Variants in RMDN1 observed in about 807,000 individuals in gnomAD.
The protein encoded by RMDN1 is regulator of microtubule dynamics 1.
Under a neutral mutation model 48.9 loss-of-function variants are expected in RMDN1, and 48 were observed. The observed-to-expected ratio is 0.98, with a 90% confidence interval of 0.78 to 1.25. The LOEUF (loss-of-function observed/expected upper bound fraction) is 1.25. Among genes scored for constraint, RMDN1 ranks in the 50% most tolerant of loss-of-function variants. The pLI is 0.00. For missense variants in RMDN1, 418 were observed against 373.4 expected, an observed-to-expected ratio of 1.12 and a Z score of -0.98; for synonymous variants, 148 against 132.6, an observed-to-expected ratio of 1.12 and a Z score of -0.80.
chr8:86,509,974 T>G (rs993731150), upstream of RMDN1, among the ~76,000 whole-genome samples: 1 of 152,216 alleles, frequency 6.6e-6, no homozygotes, highest in African/African-American at 2.4e-5. Context: ...CTGGATACCA[T>G]GATAACAGTG....
At chr8:86,491,337 T>C (rs1586693746) in intron 2 of RMDN1, among the ~76,000 whole-genome samples, 1 of 152,194 alleles carries the variant, frequency 6.6e-6, no homozygotes, top group East Asian at 1.9e-4. Context: ...GGTTTCACCA[T>C]GTTGGCCAGG....
chr8:86,508,735 C>A (rs1199247746), upstream of RMDN1: 2 of 1,401,634 alleles, frequency 1.4e-6, no homozygotes, highest in African/African-American at 1.5e-5. Flanking sequence ...TCCTGCACAG[C>A]ACCTCTTCCG....
In RMDN1 at chr8:86,508,588, C is replaced by A; in HGVS notation, c.33G>T (p.Leu11=). The part of the protein sequence containing the change: MALAARLWRL[L]PFRRGAAPGS... ...CCGGGGCGGCTCCACGTCGGAAAGG[C>A]AGAAGGCGCCACAGTCGAGCAGCCA... The change falls in exon 1 of 10, where the codon CTG becomes CTT. Residue 11 remains leucine, a synonymous_variant. Transcript: ENST00000406452. The A allele has an allele frequency of 6.2e-7, 1 of 1,605,062 alleles. No individual in the cohort carries two copies. The highest frequency in any genetic ancestry group is 8.5e-7 in the Non-Finnish European group (1 of 1,177,144).
intron 2 of RMDN1, chr8:86,504,502 G>T: frequency 6.6e-7 from 1 of 1,520,706 alleles, no homozygotes; most frequent in South Asian, 1.1e-5. Context: ...GCCCATCTAT[G>T]CCACCATTGG....
intron 2 of RMDN1, chr8:86,504,938 T>A (rs554101801): frequency 7.9e-7 from 1 of 1,262,154 alleles, no homozygotes; most frequent in African/African-American, 1.5e-5. Context: ...CTGAGACCCA[T>A]GGCAGGGCTT....
chr8:86,491,737 T>C (rs1563627489), intron 2 of RMDN1, among the ~76,000 whole-genome samples: 1 of 152,182 alleles, frequency 6.6e-6, no homozygotes, highest in Non-Finnish European at 1.5e-5. Context: ...ATGTGCAAGA[T>C]CATAATAATT....
downstream of RMDN1, chr8:86,470,339 G>C (rs1563567527): frequency 1.6e-6 from 2 of 1,289,308 alleles, no homozygotes; most frequent in Non-Finnish European, 2.0e-6. Flanking sequence ...CCTGGGGTTT[G>C]TTCTCAGTAA....
intron 2 of RMDN1, among the ~76,000 whole-genome samples, chr8:86,506,324 TC>T (rs564787140): frequency 1.1e-3 from 168 of 152,336 alleles, no homozygotes; most frequent in African/African-American, 3.8e-3. Context: ...TAACCTCAGC[TC>T]TGGGATTTTT....
At position 86,482,955 on chromosome 8, in the gene RMDN1, G is replaced by A. The variant is rs561384007; in HGVS notation, c.585+1917C>T. 110 of 762,522 alleles carry A rather than the reference G, an allele frequency of 1.4e-4. No individual in the cohort carries two copies. The African/African-American group carries it at 1.5e-3, about 10-fold the overall frequency. The allele number at this position is 762,522 out of a possible 1,614,324, so 47.2% of individuals were successfully genotyped here. ...GCAGGTGGGCTCGGACGAGGTCCCCGGCGGACTGTGGCAGCCGCACTCGCT... is the reference window on the plus strand; with the variant it reads ...GCAGGTGGGCTCGGACGAGGTCCCCAGCGGACTGTGGCAGCCGCACTCGCT... On this transcript the variant is annotated intron_variant, in intron 5 of 9. Transcript: ENST00000406452.
Position 86,474,209 on chromosome 8 carries a change from T to C in RMDN1, c.*99A>G. The C allele has an allele frequency of 6.5e-7, 1 of 1,537,216 alleles. No individual in the cohort carries two copies. The highest frequency in any genetic ancestry group is 1.3e-5 in the South Asian group (1 of 78,432). ...TACACGGTTAAATGGTCACAACATT[T>C]AAAAAGCCGTAGAACAGTTATAGTT... On this transcript the variant is annotated 3_prime_UTR_variant, in exon 10 of 10. Transcript: ENST00000406452.
At chr8:86,499,718 G>A (rs1308651037) in intron 2 of RMDN1, among the ~76,000 whole-genome samples, 2 of 152,078 alleles carry the variant, frequency 1.3e-5, no homozygotes, top group East Asian at 3.9e-4. Context: ...AACCAAAAAA[G>A]AGCCCAAATA....
In RMDN1 at chr8:86,503,380, A is replaced by AC. The variant is rs1554594064; in HGVS notation, c.247+3614_247+3615insG. ...ACAAAACAAAACAAAACAAAAAAAAAAAAAAAAAACAAAAAAAAATAACAA... is the reference window on the plus strand; with the variant it reads ...ACAAAACAAAACAAAACAAAAAAAAACAAAAAAAAACAAAAAAAAATAACAA... On this transcript the variant is annotated intron_variant, in intron 2 of 9. Coordinates refer to ENST00000406452, the MANE Select transcript of RMDN1 (RefSeq NM_016033.3). Among the ~76,000 whole-genome samples, 336 of 58,956 alleles carry AC rather than the reference A, an allele frequency of 5.7e-3. 15 individuals are homozygous for AC. Among genetic ancestry groups the AC allele is most frequent in the African/African-American group, 0.038 (280 of 7,438 alleles). The allele number at this position is 58,956 out of a possible 152,430, so 38.7% of individuals were successfully genotyped here. A position where few individuals can be genotyped will look rare whatever the true frequency, so the allele number is the denominator to read the frequency against.
chr8:86,471,425 G>C (rs767999177), downstream of RMDN1, among the ~76,000 whole-genome samples: 10 of 152,026 alleles, frequency 6.6e-5, no homozygotes, highest in Non-Finnish European at 1.5e-4. Context: ...AATTGAAAAT[G>C]AGAAAAAGGA....
intron 2 of RMDN1, chr8:86,504,424 C>T: frequency 1.3e-6 from 2 of 1,558,282 alleles, no homozygotes; most frequent in Non-Finnish European, 1.8e-6. Flanking sequence ...GCTCTCTCGA[C>T]AGCTCTCTGG....
downstream of RMDN1, among the ~76,000 whole-genome samples, chr8:86,471,911 G>C (rs28397606): frequency 0.15 from 22,561 of 152,192 alleles, 1,820 homozygotes; most frequent in Non-Finnish European, 0.19. Flanking sequence ...GAACTGTTGT[G>C]GATGGAAAGA....
At chr8:86,511,673 G>C (rs904302921), upstream of RMDN1, among the ~76,000 whole-genome samples, 1 of 151,934 alleles carries the variant, frequency 6.6e-6, no homozygotes, top group Non-Finnish European at 1.5e-5. Context: ...AGCCAGACAC[G>C]GTGGCTCGTG....
chr8:86,480,151 C>T (rs752504266), intron 6 of RMDN1, 126 bp downstream of exon 6: 1 of 509,934 alleles, frequency 2.0e-6, no homozygotes, highest in Non-Finnish European at 3.5e-6. Context: ...GGATTTAGCA[C>T]TCTAAGCTCT....
chr8:86,508,890 C>G (rs1819879531), upstream of RMDN1: 9 of 924,820 alleles, frequency 9.7e-6, no homozygotes, highest in East Asian at 3.0e-4. Context: ...TTCAGGCGCT[C>G]TGACTTGTTT....
At chr8:86,468,515 G>T (rs750622621), downstream of RMDN1, 3 of 413,212 alleles carry the variant, frequency 7.3e-6, no homozygotes, top group Non-Finnish European at 1.4e-5. Context: ...TACCATAAAA[G>T]AGTTAAGTAT....
Sources: allele counts gnomAD v4.1 joint callset (sites outside exome capture counted in the v4.1 genomes callset), GRCh38; gene constraint gnomAD v4.1.1; transcripts MANE v1.5; gene names NCBI Gene and HGNC (gene_info 2026-07-23, HGNC 2026-07-21).